CTNNA3: variants seen among roughly 807,000 people sequenced by gnomAD.
CTNNA3 encodes the protein catenin alpha 3.
In CTNNA3, 76 loss-of-function variants were observed where a neutral mutation model predicts 95.7. That is an observed-to-expected ratio of 0.79 (90% CI 0.66 to 0.96). CTNNA3 has a LOEUF of 0.96. CTNNA3 is among the 40% of genes least tolerant of loss of function. The pLI, the probability that CTNNA3 is intolerant of heterozygous loss-of-function variation, is 0.00. For synonymous variants in CTNNA3, 431 were observed against 374.4 expected, an observed-to-expected ratio of 1.15 and a Z score of -1.74; for missense variants, 1,191 against 1,089.8, an observed-to-expected ratio of 1.09 and a Z score of -1.31.
chr10:66,981,531 A>G (rs1257770570), intron 7 of CTNNA3, among the ~76,000 whole-genome samples: 1 of 152,028 alleles, frequency 6.6e-6, no homozygotes, highest in Non-Finnish European at 1.5e-5. Context: ...GCATATCTCC[A>G]TTGCACTTCT....
rs1038650816 is a variant in CTNNA3 at position 67,201,772 on chromosome 10, A to C, written c.843+17835T>G. ...GGTGATGGGAACTAAGCAGAGTCCA[A>C]GTCAACCTGAAAGAAACCAAAAGAT... On this transcript the variant is annotated intron_variant, in intron 6 of 17. Transcript: ENST00000433211. Among the ~76,000 whole-genome samples, 18 of 152,318 alleles carry C rather than the reference A, an allele frequency of 1.2e-4. No homozygotes were observed. The East Asian group carries it at 2.1e-3, about 18-fold the overall frequency.
At chr10:66,057,973 A>G (rs1427879463) in intron 15 of CTNNA3, among the ~76,000 whole-genome samples, 1 of 152,206 alleles carries the variant, frequency 6.6e-6, no homozygotes, top group Admixed American at 6.5e-5. Context: ...CTCTGCCTTT[A>G]CAGTTTAAAT....
At chr10:66,312,778 C>G (rs965797091) in intron 12 of CTNNA3, among the ~76,000 whole-genome samples, 2 of 152,060 alleles carry the variant, frequency 1.3e-5, no homozygotes, top group East Asian at 3.9e-4. Flanking sequence ...ATCTCCTGAC[C>G]TCGTGATACA....
chr10:67,107,804 T>G (rs1279924592), intron 7 of CTNNA3, among the ~76,000 whole-genome samples: 1 of 152,006 alleles, frequency 6.6e-6, no homozygotes, highest in East Asian at 1.9e-4. Context: ...TGCACTCGGG[T>G]GCAGTCACAC....
chr10:66,240,631 C>G (rs2090062808), intron 13 of CTNNA3, among the ~76,000 whole-genome samples: 1 of 151,904 alleles, frequency 6.6e-6, no homozygotes, highest in Non-Finnish European at 1.5e-5. Context: ...TGGGAGCAAA[C>G]TCAGAAACCT....
At chr10:67,531,299 C>A (rs1398074436) in intron 4 of CTNNA3, among the ~76,000 whole-genome samples, 2 of 152,182 alleles carry the variant, frequency 1.3e-5, no homozygotes, top group Non-Finnish European at 2.9e-5. Flanking sequence ...CAATGGCAAC[C>A]CATGAACACA....
intron 5 of CTNNA3, among the ~76,000 whole-genome samples, chr10:67,465,802 AAATT>A (rs1420299435): frequency 1.3e-5 from 2 of 152,168 alleles, no homozygotes; most frequent in Non-Finnish European, 2.9e-5. Context: ...CATGCACAAA[AAATT>A]AATAATAACC....
intron 17 of CTNNA3, among the ~76,000 whole-genome samples, chr10:65,942,594 T>C (rs1425311968): frequency 6.6e-6 from 1 of 152,198 alleles, no homozygotes; most frequent in Non-Finnish European, 1.5e-5. Flanking sequence ...TCATTGCCTC[T>C]TTTCTTTCTC....
intron 11 of CTNNA3, among the ~76,000 whole-genome samples, chr10:66,499,188 G>A (rs1186640792): frequency 6.6e-6 from 1 of 152,082 alleles, no homozygotes; most frequent in South Asian, 2.1e-4. Context: ...GGTGGGAGAG[G>A]AAAGAGCCTC....
chr10:66,552,449 T>C (rs1440095758), intron 10 of CTNNA3, among the ~76,000 whole-genome samples: 2 of 152,114 alleles, frequency 1.3e-5, no homozygotes, highest in Non-Finnish European at 2.9e-5. Context: ...CCTGTAAAAT[T>C]GCTTCTCCAA....
chr10:66,622,633 G>T (rs1428886959), intron 9 of CTNNA3, among the ~76,000 whole-genome samples: 1 of 152,082 alleles, frequency 6.6e-6, no homozygotes, highest in Non-Finnish European at 1.5e-5. Context: ...ATATCTCATT[G>T]TCTTTATCAT....
chr10:67,163,142 A>T (rs1045042570), intron 7 of CTNNA3, among the ~76,000 whole-genome samples: 2 of 151,980 alleles, frequency 1.3e-5, no homozygotes, highest in Non-Finnish European at 2.9e-5. Context: ...TATTACTACC[A>T]TGATACCAAA....
chr10:67,226,413 A>C (rs1272956914), intron 5 of CTNNA3, among the ~76,000 whole-genome samples: 4 of 152,254 alleles, frequency 2.6e-5, no homozygotes, highest in Admixed American at 6.5e-5. Flanking sequence ...TCTCCTAGAC[A>C]CATTGTCATC....
chr10:67,706,272 G>C (rs1347591096), intron 1 of CTNNA3, among the ~76,000 whole-genome samples: 2 of 151,970 alleles, frequency 1.3e-5, no homozygotes, highest in Non-Finnish European at 2.9e-5. Flanking sequence ...TTGGGCTCTG[G>C]AGCTTGTAAG....
At chr10:66,286,680 T>A (rs1290640453) in intron 12 of CTNNA3, among the ~76,000 whole-genome samples, 1 of 151,972 alleles carries the variant, frequency 6.6e-6, no homozygotes, top group Non-Finnish European at 1.5e-5. Flanking sequence ...TGGGATCACA[T>A]CTAGTAGGAG....
intron 16 of CTNNA3, among the ~76,000 whole-genome samples, chr10:65,979,270 A>G (rs2078271596): frequency 6.6e-6 from 1 of 152,162 alleles, no homozygotes; most frequent in Admixed American, 6.6e-5. Context: ...CTTATTCAAC[A>G]AAGCTCCTTT....
intron 17 of CTNNA3, among the ~76,000 whole-genome samples, chr10:65,951,658 A>G (rs918920010): frequency 2.0e-5 from 3 of 152,030 alleles, no homozygotes; most frequent in African/African-American, 4.8e-5. Flanking sequence ...TCTCAGCACT[A>G]AAGTCACCGA....
chr10:66,471,275 A>G (rs1589295760), intron 11 of CTNNA3, among the ~76,000 whole-genome samples: 1 of 151,956 alleles, frequency 6.6e-6, no homozygotes, highest in Admixed American at 6.6e-5. Context: ...ATGTCTTACA[A>G]CATATATCAA....
At chr10:66,331,234 A>G (rs1294724245) in intron 12 of CTNNA3, among the ~76,000 whole-genome samples, 1 of 150,780 alleles carries the variant, frequency 6.6e-6, no homozygotes, top group East Asian at 2.0e-4. Flanking sequence ...AGCTTGAATT[A>G]ATTTGTGTAT....
Sources: gnomAD v4.1 joint callset for allele counts (sites outside exome capture counted in the v4.1 genomes callset) on GRCh38, gnomAD v4.1.1 for gene constraint, MANE v1.5 for transcripts, NCBI Gene and HGNC (gene_info 2026-07-23, HGNC 2026-07-21) for gene names.